TRPM3: variants seen among roughly 807,000 people sequenced by gnomAD.
The protein encoded by TRPM3 is long transient receptor potential channel 3.
Under a neutral mutation model 181.2 loss-of-function variants are expected in TRPM3, and 77 were observed. The ratio of observed to expected loss-of-function variants is 0.42; its 90% CI spans 0.35 to 0.51. TRPM3 has a LOEUF of 0.51. Ranked by LOEUF, TRPM3 falls within the 20% of genes least tolerant of loss-of-function variation. The pLI, the probability that TRPM3 is intolerant of heterozygous loss-of-function variation, is 0.01. For synonymous variants in TRPM3, 745 were observed against 796.4 expected, an observed-to-expected ratio of 0.94 and a Z score of 1.09; for missense variants, 1,759 against 2,196.7, an observed-to-expected ratio of 0.80 and a Z score of 3.98.
At chr9:71,321,274 A>C (rs1354774411) in intron 1 of TRPM3, among the ~76,000 whole-genome samples, 1 of 152,152 alleles carries the variant, frequency 6.6e-6, no homozygotes, top group African/African-American at 2.4e-5. Flanking sequence ...TAATGCCACT[A>C]AACTAGACCC....
At chr9:70,654,188 T>C (rs2059966411) in intron 9 of TRPM3, among the ~76,000 whole-genome samples, 1 of 152,122 alleles carries the variant, frequency 6.6e-6, no homozygotes, top group Non-Finnish European at 1.5e-5. Context: ...CAGTTCAGCT[T>C]GTCTGTGTGC....
At chr9:71,192,822 A>C (rs2078114467) in intron 1 of TRPM3, among the ~76,000 whole-genome samples, 1 of 151,794 alleles carries the variant, frequency 6.6e-6, no homozygotes, top group Non-Finnish European at 1.5e-5. Flanking sequence ...ATCCAAGAAA[A>C]TCATTGCCAA....
chr9:71,385,413 G>A (rs2092902350), intron 1 of TRPM3, among the ~76,000 whole-genome samples: 1 of 152,118 alleles, frequency 6.6e-6, no homozygotes, highest in Non-Finnish European at 1.5e-5. Flanking sequence ...TTTTAAACTG[G>A]CTTGAGACAT....
At position 71,153,056 on chromosome 9, in the gene TRPM3, G is replaced by C. The variant is rs10746860; in HGVS notation, c.184-288545C>G. Among the ~76,000 whole-genome samples the C allele has an allele frequency of 2.0e-5, 3 of 152,070 alleles. No homozygotes were observed. In the South Asian group the frequency reaches 6.3e-4, roughly 32 times the overall value. On this transcript the variant is annotated intron_variant, in intron 1 of 24. Coordinates refer to the TRPM3 transcript ENST00000357533. ...CATTTCATATGCTATTTCAATCTCC[G>C]TAACACCCCTGTGAGGTTGGCATCA...
At chr9:70,612,825 T>A (rs1480468198) in intron 18 of TRPM3, among the ~76,000 whole-genome samples, 1 of 152,230 alleles carries the variant, frequency 6.6e-6, no homozygotes, top group Non-Finnish European at 1.5e-5. Flanking sequence ...TTATCATGCC[T>A]CTGTTCTGCT....
intron 1 of TRPM3, among the ~76,000 whole-genome samples, chr9:71,276,546 A>G (rs1231489909): frequency 6.6e-6 from 1 of 152,228 alleles, no homozygotes; most frequent in Non-Finnish European, 1.5e-5. Flanking sequence ...TAAATGACCC[A>G]TAAGTAGATT....
intron 1 of TRPM3, among the ~76,000 whole-genome samples, chr9:71,325,502 T>C (rs1293139342): frequency 6.6e-6 from 1 of 152,208 alleles, no homozygotes; most frequent in Non-Finnish European, 1.5e-5. Context: ...GTGTCAACTC[T>C]AGAGTTACAG....
chr9:70,619,529 T>A lies in TRPM3; in HGVS notation c.2130-434A>T, dbSNP rs552199037. Reference sequence around the variant, plus strand: ...CCTGGGCTCAAGAGATCCTCCCACCTTAGCTTCCTGAGCAGCTAGGACTAC... The same window carrying A: ...CCTGGGCTCAAGAGATCCTCCCACCATAGCTTCCTGAGCAGCTAGGACTAC... On this transcript the variant is annotated intron_variant, in intron 16 of 25. Transcript: ENST00000677713. Among the ~76,000 whole-genome samples, 3 of 146,310 alleles carry A rather than the reference T, an allele frequency of 2.1e-5. No homozygotes were observed. In the South Asian group the frequency reaches 6.7e-4, roughly 33 times the overall value.
At chr9:70,851,590 T>C (rs913351866) in intron 3 of TRPM3, among the ~76,000 whole-genome samples, 3 of 152,218 alleles carry the variant, frequency 2.0e-5, no homozygotes, top group African/African-American at 7.2e-5. Flanking sequence ...CTACTGAATA[T>C]GTTGAAATTC....
At chr9:70,571,897 T>A (rs1271820026) in intron 22 of TRPM3, among the ~76,000 whole-genome samples, 1 of 152,222 alleles carries the variant, frequency 6.6e-6, no homozygotes, top group Non-Finnish European at 1.5e-5. Flanking sequence ...TTCTGCTTTT[T>A]GTGTTGCCAG....
intron 1 of TRPM3, among the ~76,000 whole-genome samples, chr9:71,031,987 T>TATAA (rs1449230338): frequency 0.038 from 9 of 238 alleles, no homozygotes; most frequent in South Asian, 0.12. Context: ...TATATATATA[T>TATAA]TATATATATA....
intron 1 of TRPM3, among the ~76,000 whole-genome samples, chr9:71,316,335 T>C (rs1244564001): frequency 6.6e-6 from 1 of 152,152 alleles, no homozygotes; most frequent in Non-Finnish European, 1.5e-5. Context: ...TCCCTAACTG[T>C]TCTAGTATTT....
intron 1 of TRPM3, among the ~76,000 whole-genome samples, chr9:71,076,680 C>T (rs1204123351): frequency 6.6e-6 from 1 of 152,198 alleles, no homozygotes; most frequent in African/African-American, 2.4e-5. Context: ...AAGCTAATGT[C>T]CTTTCCTCAA....
chr9:70,954,181 A>G (rs1382471751), intron 1 of TRPM3, among the ~76,000 whole-genome samples: 3 of 152,146 alleles, frequency 2.0e-5, no homozygotes, highest in Non-Finnish European at 2.9e-5. Flanking sequence ...GAGGAAGTCC[A>G]TGTAGAGAGA....
chr9:70,701,442 G>A (rs1448508420), intron 8 of TRPM3, among the ~76,000 whole-genome samples: 4 of 152,174 alleles, frequency 2.6e-5, no homozygotes, highest in Non-Finnish European at 4.4e-5. Context: ...AGGAGCACCC[G>A]ATCAAAACCA....
intron 1 of TRPM3, among the ~76,000 whole-genome samples, chr9:71,100,686 G>A (rs1357149010): frequency 6.6e-6 from 1 of 152,070 alleles, no homozygotes; most frequent in Non-Finnish European, 1.5e-5. Flanking sequence ...GAATCCTTGT[G>A]CCTCTAACTG....
intron 1 of TRPM3, among the ~76,000 whole-genome samples, chr9:71,146,043 T>C (rs2075386979): frequency 6.6e-6 from 1 of 152,216 alleles, no homozygotes; most frequent in African/African-American, 2.4e-5. Context: ...CTTTTAGGCA[T>C]ATTTCTACTG....
intron 1 of TRPM3, among the ~76,000 whole-genome samples, chr9:70,988,815 G>C (rs2097447525): frequency 6.6e-6 from 1 of 152,134 alleles, no homozygotes; most frequent in African/African-American, 2.4e-5. Context: ...ACTGCCCCTG[G>C]GCACTACATG....
At position 71,309,033 on chromosome 9, in the gene TRPM3, T is replaced by A. The variant is rs377292608; in HGVS notation, c.183+137620A>T. On this transcript the variant is annotated intron_variant, in intron 1 of 24. Transcript: ENST00000357533. ...TTAGAGGTGCTGCTACATATGCTGCTACATGTTCTAAAGCATCGCAGGAGT... is the reference window on the plus strand; with the variant it reads ...TTAGAGGTGCTGCTACATATGCTGCAACATGTTCTAAAGCATCGCAGGAGT... 4.6e-5 allele frequency among the ~76,000 whole-genome samples: 7 copies of A among 152,296 alleles called. No homozygotes were observed. In the East Asian group the frequency reaches 1.3e-3, roughly 29 times the overall value.
Sources: allele counts gnomAD v4.1 joint callset (sites outside exome capture counted in the v4.1 genomes callset), GRCh38; gene constraint gnomAD v4.1.1; transcripts MANE v1.5; gene names NCBI Gene and HGNC (gene_info 2026-07-23, HGNC 2026-07-21).